Variants in CFAP57 observed in about 807,000 individuals in gnomAD.
The protein encoded by CFAP57 is cilia and flagella associated protein 57.
A neutral mutation model predicts 146.8 loss-of-function variants in CFAP57; 116 were observed. That is an observed-to-expected ratio of 0.79 (90% confidence interval 0.68 to 0.92). CFAP57 has a LOEUF of 0.92. CFAP57 is among the 40% of genes least tolerant of loss of function. The pLI, the probability that CFAP57 is intolerant of heterozygous loss-of-function variation, is 0.00. For synonymous variants in CFAP57, 518 were observed against 552.8 expected, an observed-to-expected ratio of 0.94 and a Z score of 0.88; for missense variants, 1,377 against 1,527.2, an observed-to-expected ratio of 0.90 and a Z score of 1.64.
intron 19 of CFAP57, 35 bp from the exon 20 acceptor site, chr1:43,234,244 C>T (rs1197135193): frequency 2.0e-6 from 3 of 1,515,656 alleles, no homozygotes; most frequent in Non-Finnish European, 2.7e-6. Context: ...CCGAGAGCAC[C>T]CTACAGCACC....
intron 5 of CFAP57, among the ~76,000 whole-genome samples, chr1:43,186,097 C>G (rs955183170): frequency 1.3e-5 from 2 of 151,262 alleles, no homozygotes; most frequent in African/African-American, 4.9e-5. Flanking sequence ...AAAAAATTAG[C>G]CAGATGTGGT....
chr1:43,172,387 C>G lies in CFAP57; in HGVS notation c.-86C>G, dbSNP rs1364532173. On this transcript the variant is annotated 5_prime_UTR_variant, in exon 1 of 23. Transcript: ENST00000372492. ...ACGGCGTTTGAAAGTGTCCGGGTTG[C>G]TTAGGATCCCTACAGGTAGCGCCTC... The G allele has an allele frequency of 1.3e-6, 2 of 1,551,546 alleles. No homozygotes were observed. Among genetic ancestry groups the G allele is most frequent in the South Asian group, 2.4e-5 (2 of 84,054 alleles).
chr1:43,173,468 C>T (rs1445320404), intron 2 of CFAP57, among the ~76,000 whole-genome samples: 1 of 152,012 alleles, frequency 6.6e-6, no homozygotes, highest in Non-Finnish European at 1.5e-5. Flanking sequence ...AAGAATGTAC[C>T]CTACATATAT....
At position 43,197,648 on chromosome 1, in the gene CFAP57, C is replaced by T. The variant is rs1250969931; in HGVS notation, c.1218C>T (p.Thr406=). ...GCATCCGCAAACCCCTTATAGCCAC[C>T]TGTTCTCTGGATCGATCCATCCGCC... ...ATCIRKPLIA[T]CSLDRSIRLW... is the part of the protein sequence containing the mutation. Residue 406 remains threonine (T), a synonymous_variant, in exon 7 of 23, where the codon ACC becomes ACT. Transcript: ENST00000372492. 4 of 1,614,180 alleles carry T rather than the reference C, an allele frequency of 2.5e-6. No homozygotes were observed. The South Asian group carries it at 3.3e-5, about 13-fold the overall frequency.
intron 5 of CFAP57, 100 bp downstream of exon 5, chr1:43,185,456 G>T: frequency 9.0e-7 from 1 of 1,111,850 alleles, no homozygotes; most frequent in Non-Finnish European, 1.3e-6. Flanking sequence ...GAGGGATAGG[G>T]CAGGATTGCT....
At chr1:43,214,509 A>G (rs1024518187) in intron 11 of CFAP57, among the ~76,000 whole-genome samples, 1 of 152,190 alleles carries the variant, frequency 6.6e-6, no homozygotes, top group Admixed American at 6.5e-5. Flanking sequence ...TTGTATAGCC[A>G]TTCACCTATT....
At chr1:43,241,887 C>T (rs960074226) in intron 21 of CFAP57, among the ~76,000 whole-genome samples, 2 of 152,124 alleles carry the variant, frequency 1.3e-5, no homozygotes, top group Admixed American at 1.3e-4. Flanking sequence ...TCTTTGGGCC[C>T]TTGGGGATGG....
intron 9 of CFAP57, among the ~76,000 whole-genome samples, chr1:43,203,414 A>C (rs1644218883): frequency 6.6e-6 from 1 of 152,136 alleles, no homozygotes; most frequent in South Asian, 2.1e-4. Context: ...AAGACACCAC[A>C]AGAAAAAAAA....
chr1:43,223,998 A>G, intron 16 of CFAP57, 48 bp from the exon 17 acceptor site: 1 of 1,545,848 alleles, frequency 6.5e-7, no homozygotes, highest in Non-Finnish European at 8.7e-7. Context: ...AGGGATGGAG[A>G]TGAGTTCTGA....
chr1:43,254,071 C>G lies in CFAP57; in HGVS notation c.3633C>G (p.Ile1211Met), dbSNP rs1646383938. ...TCATTGAAATGCAGCGCCTAGAAATCCAGCGCCTCAGAGACCAGATCCAAG... is the reference window on the plus strand; with the variant it reads ...TCATTGAAATGCAGCGCCTAGAAATGCAGCGCCTCAGAGACCAGATCCAAG... The part of the protein sequence containing the change: ...GRIIEMQRLE[I>M]QRLRDQIQEQ... The change falls in exon 23 of 23, where the codon ATC becomes ATG. Residue 1211 changes from isoleucine (I) to methionine (M), a missense_variant. Ile to Met is a conservative substitution (Grantham distance 10). Coordinates refer to ENST00000372492, the MANE Select transcript of CFAP57 (RefSeq NM_001378189.1). 1 of 1,550,598 alleles carries G rather than the reference C, an allele frequency of 6.4e-7. No homozygotes were observed. The highest frequency in any genetic ancestry group is 1.4e-5 in the African/African-American group (1 of 73,134).
intron 2 of CFAP57, among the ~76,000 whole-genome samples, chr1:43,180,557 G>A (rs755806922): frequency 1.3e-5 from 2 of 151,990 alleles, no homozygotes; most frequent in Non-Finnish European, 2.9e-5. Flanking sequence ...TTCACAACAC[G>A]CCAAGGAGAG....
At chr1:43,247,982 G>A (rs1056798937) in intron 22 of CFAP57, among the ~76,000 whole-genome samples, 11 of 151,608 alleles carry the variant, frequency 7.3e-5, no homozygotes, top group South Asian at 4.2e-4. Flanking sequence ...AAAATTAGCC[G>A]GGCGTGGTGG....
chr1:43,199,360 T>C (rs752755219), intron 8 of CFAP57, 30 bp from the exon 9 acceptor site: 1 of 1,606,040 alleles, frequency 6.2e-7, no homozygotes, highest in South Asian at 1.1e-5. Flanking sequence ...ACTTCCTGCT[T>C]GCTTGCTCTC....
intron 2 of CFAP57, among the ~76,000 whole-genome samples, chr1:43,175,577 C>T (rs1047683503): frequency 3.9e-5 from 6 of 152,010 alleles, no homozygotes; most frequent in African/African-American, 1.5e-4. Context: ...CTGGCACAAT[C>T]ATAGCTCACA....
At chr1:43,246,631 G>T (rs1017482432) in intron 22 of CFAP57, among the ~76,000 whole-genome samples, 6 of 152,114 alleles carry the variant, frequency 3.9e-5, no homozygotes, top group Non-Finnish European at 7.4e-5. Context: ...TATTTATTTG[G>T]CGAATGACAC....
chr1:43,218,615 AAG>A (rs1553181638), intron 12 of CFAP57, among the ~76,000 whole-genome samples: 13 of 151,558 alleles, frequency 8.6e-5, no homozygotes, highest in African/African-American at 3.1e-4. Context: ...CTCAAAAAAA[AAG>A]AGAAAAAAAG....
At chr1:43,216,278 A>AAG (rs1644829889) in intron 12 of CFAP57, among the ~76,000 whole-genome samples, 5 of 152,194 alleles carry the variant, frequency 3.3e-5, no homozygotes, top group Admixed American at 3.3e-4. Context: ...AAGTAAAGCC[A>AAG]TCAGAGCAGC....
At chr1:43,253,824 A>G (rs1646378850) in intron 22 of CFAP57, among the ~76,000 whole-genome samples, 153 bp from the exon 23 acceptor site, 2 of 152,122 alleles carry the variant, frequency 1.3e-5, no homozygotes, top group African/African-American at 4.8e-5. Flanking sequence ...CGAGACAGCA[A>G]AATGGCTTAT....
chr1:43,247,194 C>T (rs1182773085), intron 22 of CFAP57, among the ~76,000 whole-genome samples: 1 of 152,156 alleles, frequency 6.6e-6, no homozygotes, highest in Non-Finnish European at 1.5e-5. Context: ...TATGCATACA[C>T]AAGCAAAACA....
Sources: allele counts gnomAD v4.1 joint callset (sites outside exome capture counted in the v4.1 genomes callset), GRCh38; gene constraint gnomAD v4.1.1; transcripts MANE v1.5; gene names NCBI Gene and HGNC (gene_info 2026-07-23, HGNC 2026-07-21).